Variants in TENM4 observed in about 807,000 individuals in gnomAD.
The protein encoded by TENM4 is teneurin transmembrane protein 4, also known as teneurin-4.
A neutral mutation model predicts 243.3 loss-of-function variants in TENM4; 82 were observed. The ratio of observed to expected loss-of-function variants is 0.34; its 90% confidence interval spans 0.28 to 0.40. The LOEUF is 0.40. Ranked by LOEUF, TENM4 falls within the 10% of genes least tolerant of loss-of-function variation. TENM4 has a pLI of 1.00. For missense variants in TENM4, 3,138 were observed against 3,673.3 expected, an observed-to-expected ratio of 0.85 and a Z score of 3.77; for synonymous variants, 1,412 against 1,456.3, an observed-to-expected ratio of 0.97 and a Z score of 0.69.
At chr11:79,107,573 T>G (rs879695151) in intron 4 of TENM4, among the ~76,000 whole-genome samples, 2 of 152,192 alleles carry the variant, frequency 1.3e-5, no homozygotes, top group Admixed American at 1.3e-4. Flanking sequence ...GTTCCCTGAT[T>G]CAGCAGGGTT....
chr11:78,969,945 A>T (rs993835808), intron 6 of TENM4, among the ~76,000 whole-genome samples: 1 of 152,248 alleles, frequency 6.6e-6, no homozygotes, highest in African/African-American at 2.4e-5. Flanking sequence ...CACTGCCCTG[A>T]TGGATTCAAC....
chr11:78,800,966 G>T (rs72939871), intron 15 of TENM4, among the ~76,000 whole-genome samples: 2,260 of 152,254 alleles, frequency 0.015, 21 homozygotes, highest in Non-Finnish European at 0.024. Context: ...CCTTCCCAGG[G>T]TTCTTATGAA....
intron 26 of TENM4, among the ~76,000 whole-genome samples, chr11:78,709,583 T>C (rs970205542): frequency 6.6e-6 from 1 of 152,202 alleles, no homozygotes; most frequent in African/African-American, 2.4e-5. Context: ...TGGATGTGTA[T>C]GGGAATCCCC....
At chr11:79,218,099 C>T (rs1026073765) in intron 2 of TENM4, among the ~76,000 whole-genome samples, 1 of 152,134 alleles carries the variant, frequency 6.6e-6, no homozygotes, top group Non-Finnish European at 1.5e-5. Flanking sequence ...TCATTATATT[C>T]ATTAAGATTA....
At chr11:79,213,995 AT>A (rs34436159) in intron 3 of TENM4, among the ~76,000 whole-genome samples, 34,237 of 144,602 alleles carry the variant, frequency 0.24, 3,861 homozygotes, top group South Asian at 0.27. Flanking sequence ...CAAAAAATAA[AT>A]TTTTTTTTTT....
At chr11:79,079,113 C>T (rs113121060) in intron 4 of TENM4, among the ~76,000 whole-genome samples, 28 of 152,324 alleles carry the variant, frequency 1.8e-4, no homozygotes, top group African/African-American at 4.8e-4. Flanking sequence ...AGAGAACTGT[C>T]GGGACAGAGA....
chr11:78,955,463 G>T (rs190344660), intron 6 of TENM4, among the ~76,000 whole-genome samples: 4 of 152,298 alleles, frequency 2.6e-5, no homozygotes, highest in Non-Finnish European at 5.9e-5. Context: ...TTTCAACAGG[G>T]TCACAAACTA....
chr11:78,844,410 A>G (rs546266718), intron 12 of TENM4, among the ~76,000 whole-genome samples: 27 of 152,278 alleles, frequency 1.8e-4, no homozygotes, highest in Non-Finnish European at 3.2e-4. Flanking sequence ...TTGGGAGGCC[A>G]AGGCAGGCAG....
chr11:79,048,908 C>T (rs548602016), intron 6 of TENM4, among the ~76,000 whole-genome samples: 5 of 152,272 alleles, frequency 3.3e-5, no homozygotes, highest in Admixed American at 6.5e-5. Flanking sequence ...CTCCCTTGGT[C>T]GGTGCTTAGA....
chr11:78,982,105 G>C (rs574631271), intron 6 of TENM4, among the ~76,000 whole-genome samples: 26 of 152,268 alleles, frequency 1.7e-4, no homozygotes, highest in African/African-American at 6.3e-4. Context: ...TATCCGCTTT[G>C]CAGACTGCTT....
chr11:78,911,011 G>C (rs1484625626), intron 6 of TENM4, among the ~76,000 whole-genome samples: 1 of 152,180 alleles, frequency 6.6e-6, no homozygotes, highest in Non-Finnish European at 1.5e-5. Context: ...GGCTATTTCT[G>C]CTTCCTCATT....
intron 4 of TENM4, chr11:79,098,033 AG>A (rs1215008792): frequency 6.6e-6 from 1 of 152,204 alleles, no homozygotes; most frequent in Non-Finnish European, 1.5e-5. Context: ...CAAGGAAGGA[AG>A]GGAAGTATTT....
At chr11:78,710,903 TG>T (rs1301055227) in intron 26 of TENM4, among the ~76,000 whole-genome samples, 2 of 152,196 alleles carry the variant, frequency 1.3e-5, no homozygotes, top group African/African-American at 2.4e-5. Context: ...TGAAAAGCCC[TG>T]GAGGGAATAA....
intron 12 of TENM4, among the ~76,000 whole-genome samples, chr11:78,820,822 CAAATTAAACTT>C (rs1857710223): frequency 6.6e-6 from 1 of 152,218 alleles, no homozygotes; most frequent in Non-Finnish European, 1.5e-5. Context: ...GCTGTGAAAG[CAAATTAAACTT>C]GTCTCCCAGA....
At chr11:78,965,417 A>G (rs1016176540) in intron 6 of TENM4, among the ~76,000 whole-genome samples, 5 of 152,148 alleles carry the variant, frequency 3.3e-5, no homozygotes, top group African/African-American at 1.2e-4. Context: ...CTCATCTTTT[A>G]TTAACCAAAG....
chr11:78,765,719 C>T (rs529669821), intron 18 of TENM4, among the ~76,000 whole-genome samples: 15 of 152,272 alleles, frequency 9.9e-5, no homozygotes, highest in African/African-American at 3.4e-4. Flanking sequence ...GTTCTCTGAG[C>T]CTTAGTTTCC....
intron 6 of TENM4, among the ~76,000 whole-genome samples, chr11:78,926,210 G>A (rs1356845286): frequency 6.6e-6 from 1 of 151,526 alleles, no homozygotes; most frequent in Non-Finnish European, 1.5e-5. Context: ...AGGTAGAAGA[G>A]ATTAGAGTTC....
intron 9 of TENM4, among the ~76,000 whole-genome samples, chr11:78,878,821 A>C (rs1859337007): frequency 6.6e-6 from 1 of 152,232 alleles, no homozygotes; most frequent in Admixed American, 6.5e-5. Context: ...TCCAGATATG[A>C]AATAAGAAAA....
At chr11:79,013,110 T>C (rs1221232772) in intron 6 of TENM4, among the ~76,000 whole-genome samples, 3 of 152,208 alleles carry the variant, frequency 2.0e-5, no homozygotes, top group Non-Finnish European at 4.4e-5. Context: ...ATATACTCAA[T>C]GTGGCTGATA....
Sources: allele counts gnomAD v4.1 joint callset (sites outside exome capture counted in the v4.1 genomes callset), GRCh38; gene constraint gnomAD v4.1.1; transcripts MANE v1.5; gene names NCBI Gene and HGNC (gene_info 2026-07-23, HGNC 2026-07-21).